Variants in CFAP299 observed in about 807,000 individuals in gnomAD.
The protein encoded by CFAP299 is cilia and flagella associated protein 299.
A neutral mutation model predicts 27.0 loss-of-function variants in CFAP299; 21 were observed. The ratio of observed to expected loss-of-function variants is 0.78; its 90% confidence interval spans 0.55 to 1.12. The LOEUF is 1.12. CFAP299 is among the 50% of genes most tolerant of loss of function. The pLI, the probability that CFAP299 is intolerant of heterozygous loss-of-function variation, is 0.00. For missense variants in CFAP299, 310 were observed against 276.6 expected, an observed-to-expected ratio of 1.12 and a Z score of -0.86; for synonymous variants, 104 against 98.1, an observed-to-expected ratio of 1.06 and a Z score of -0.36.
intron 4 of CFAP299, among the ~76,000 whole-genome samples, chr4:80,886,765 T>C (rs961243863): frequency 6.6e-6 from 1 of 152,068 alleles, no homozygotes; most frequent in African/African-American, 2.4e-5. Context: ...GAAATAGACA[T>C]ATATGACCTT....
At position 80,914,499 on chromosome 4, in the gene CFAP299, C is replaced by T. The variant is rs184169980; in HGVS notation, c.477-30311C>T. On this transcript the variant is annotated intron_variant, in intron 4 of 5. Coordinates refer to ENST00000358105, the MANE Select transcript of CFAP299 (RefSeq NM_152770.3). ...ACCCTCTAGATGTCAGTTAGCATCC[C>T]TCCAGTTATAACAACCCAAACTGTA... Among the ~76,000 whole-genome samples the T allele has an allele frequency of 2.7e-3, 407 of 152,206 alleles. 2 individuals carry two copies. Among genetic ancestry groups the T allele is most frequent in the Non-Finnish European group, 3.5e-3 (239 of 68,010 alleles).
At chr4:80,647,728 T>C (rs904366371) in intron 3 of CFAP299, among the ~76,000 whole-genome samples, 5 of 152,200 alleles carry the variant, frequency 3.3e-5, no homozygotes, top group African/African-American at 1.2e-4. Context: ...ATTTAATTGT[T>C]CATGTAATTG....
At chr4:80,954,920 A>G (rs1737976263) in intron 5 of CFAP299, among the ~76,000 whole-genome samples, 1 of 142,480 alleles carries the variant, frequency 7.0e-6, no homozygotes, top group Non-Finnish European at 1.5e-5. Context: ...GAATGGCGTG[A>G]ACCCAGGAGA....
intron 2 of CFAP299, among the ~76,000 whole-genome samples, chr4:80,526,743 C>T (rs1733198956): frequency 6.6e-6 from 1 of 151,992 alleles, no homozygotes; most frequent in Non-Finnish European, 1.5e-5. Flanking sequence ...ATAAATTGAC[C>T]TATATGCATA....
chr4:80,839,206 G>A (rs916494140), intron 3 of CFAP299, among the ~76,000 whole-genome samples: 14 of 152,048 alleles, frequency 9.2e-5, no homozygotes. Flanking sequence ...TCTTCCCATT[G>A]TAGATATTTA....
intron 4 of CFAP299, among the ~76,000 whole-genome samples, chr4:80,878,399 T>C (rs1334079246): frequency 1.3e-5 from 2 of 152,126 alleles, no homozygotes; most frequent in South Asian, 2.1e-4. Flanking sequence ...AGTATAAATA[T>C]TTCTTTTAGA....
intron 3 of CFAP299, among the ~76,000 whole-genome samples, chr4:80,800,166 CATATA>C (rs1397432701): frequency 3.2e-3 from 142 of 44,978 alleles, no homozygotes; most frequent in Middle Eastern, 0.031. Flanking sequence ...ATATATAATA[CATATA>C]ATATATAATA....
chr4:80,361,989 A>G (rs1665094369), intron 1 of CFAP299, among the ~76,000 whole-genome samples: 1 of 152,122 alleles, frequency 6.6e-6, no homozygotes, highest in Admixed American at 6.5e-5. Context: ...TTATACTAAT[A>G]ACTTTATGAA....
intron 3 of CFAP299, among the ~76,000 whole-genome samples, chr4:80,814,136 G>A (rs1320268799): frequency 6.6e-6 from 1 of 151,978 alleles, no homozygotes; most frequent in Non-Finnish European, 1.5e-5. Flanking sequence ...CTTTCCCAAA[G>A]CTCTAAGTAG....
At chr4:80,337,353 T>A (rs566903820) in intron 1 of CFAP299, among the ~76,000 whole-genome samples, 2 of 152,196 alleles carry the variant, frequency 1.3e-5, no homozygotes, top group African/African-American at 4.8e-5. Flanking sequence ...AACATTAATA[T>A]TAATTACAGA....
chr4:80,582,972 A>T, intron 2 of CFAP299, 121 bp from the exon 3 acceptor site: 1 of 522,722 alleles, frequency 1.9e-6, no homozygotes, highest in Non-Finnish European at 3.4e-6. Flanking sequence ...TCATGATTTT[A>T]TTTATATGGT....
chr4:80,911,890 C>T (rs977070903), intron 4 of CFAP299, among the ~76,000 whole-genome samples: 3 of 151,864 alleles, frequency 2.0e-5, no homozygotes, highest in Admixed American at 6.6e-5. Flanking sequence ...GTTTTTGACA[C>T]TATAACACAC....
At chr4:80,342,361 T>C (rs1722499690) in intron 1 of CFAP299, among the ~76,000 whole-genome samples, 1 of 152,114 alleles carries the variant, frequency 6.6e-6, no homozygotes, top group Admixed American at 6.5e-5. Flanking sequence ...TCAAGACACA[T>C]AATCCTCAGA....
chr4:80,636,949 G>A (rs1177737396), intron 3 of CFAP299, among the ~76,000 whole-genome samples: 1 of 152,040 alleles, frequency 6.6e-6, no homozygotes, highest in African/African-American at 2.4e-5. Flanking sequence ...TTTTAAAAAA[G>A]TATTGTTCAC....
the CFAP299 span, among the ~76,000 whole-genome samples, chr4:80,327,585 T>C: frequency 6.6e-6 from 1 of 150,550 alleles, no homozygotes; most frequent in East Asian, 2.0e-4. Context: ...GAGGCTATTA[T>C]AGTTGTCCAG....
intron 3 of CFAP299, among the ~76,000 whole-genome samples, chr4:80,654,817 G>A (rs183575222): frequency 6.7e-6 from 1 of 148,534 alleles, no homozygotes; most frequent in Non-Finnish European, 1.5e-5. Flanking sequence ...TAGAGACGAG[G>A]TCTCTTTCTA....
chr4:80,387,296 G>A, intron 2 of CFAP299: 1 of 1,611,374 alleles, frequency 6.2e-7, no homozygotes. Flanking sequence ...CTCCAGAAAT[G>A]TGTCGAGCTT....
chr4:80,713,369 A>C (rs1404526409), intron 3 of CFAP299, among the ~76,000 whole-genome samples: 1 of 152,208 alleles, frequency 6.6e-6, no homozygotes, highest in Non-Finnish European at 1.5e-5. Context: ...TTTGAGAACT[A>C]TCAAACTTTA....
chr4:80,604,935 G>A (rs1043309184), intron 3 of CFAP299, among the ~76,000 whole-genome samples: 3 of 151,562 alleles, frequency 2.0e-5, no homozygotes, highest in Non-Finnish European at 4.4e-5. Context: ...TAAGGGAGAG[G>A]AGAATTCTGA....
Sources: allele counts gnomAD v4.1 joint callset (sites outside exome capture counted in the v4.1 genomes callset), GRCh38; gene constraint gnomAD v4.1.1; transcripts MANE v1.5; gene names NCBI Gene and HGNC (gene_info 2026-07-23, HGNC 2026-07-21).